The following PKD1 variants were observed in gnomAD, a reference collection of about 807,000 sequenced individuals.
PKD1 encodes the protein polycystin 1, transient receptor potential channel interacting, also known as polycystin-1.
A neutral mutation model predicts 361.7 loss-of-function variants in PKD1; 81 were observed. The ratio of observed to expected loss-of-function variants is 0.22; its 90% CI spans 0.19 to 0.27. The LOEUF (loss-of-function observed/expected upper bound fraction) is 0.27, where lower values mean the gene tolerates loss of function less well. Among genes scored for constraint, PKD1 ranks in the 10% least tolerant of loss-of-function variants. PKD1 has a pLI of 1.00. For synonymous variants in PKD1, 3,615 were observed against 2,818.3 expected, an observed-to-expected ratio of 1.28 and a Z score of -8.95; for missense variants, 6,399 against 6,118.3, an observed-to-expected ratio of 1.05 and a Z score of -1.53.
At chr16:2,127,533 C>T (rs963050728) in intron 1 of PKD1, among the ~76,000 whole-genome samples, 2 of 152,194 alleles carry the variant, frequency 1.3e-5, no homozygotes, top group African/African-American at 4.8e-5. Flanking sequence ...CTGGCTCTCA[C>T]CCTCAGGCTG....
intron 21 of PKD1, 48 bp downstream of exon 21, chr16:2,105,274 T>TGC: frequency 1.3e-6 from 2 of 1,585,558 alleles, no homozygotes; most frequent in East Asian, 4.5e-5. Flanking sequence ...CTGAACCCAG[T>TGC]GCCCTGGCAG....
At position 2,110,257 on chromosome 16, in the gene PKD1, A is replaced by G. The variant is rs1200234003; in HGVS notation, c.4910T>C (p.Val1637Ala). ...YVLQLIEGLQ[V>A]VGGGRYFPTN... ...GGGGAAGTAGCGGCCACCGCCCACC[A>G]CCTGCAGCCCCTCTATGAGCTGCAG... Residue 1637 changes from valine to alanine, a missense_variant, in exon 15 of 46, where the codon GTG becomes GCG. By Grantham distance (64) the Val-to-Ala change is moderately conservative. Transcript: ENST00000262304. The G allele has an allele frequency of 1.2e-6, 2 of 1,612,276 alleles. No individual in the cohort carries two copies. Among genetic ancestry groups the G allele is most frequent in the East Asian group, 4.5e-5 (2 of 44,868 alleles).
rs144614222 is a variant in PKD1 at position 2,093,940 on chromosome 16, G to C, written c.10692C>G (p.Leu3564=). Residue 3564 remains leucine (L), a synonymous_variant, in exon 36 of 46, where the codon CTC becomes CTG. Coordinates refer to ENST00000262304, the MANE Select transcript of PKD1 (RefSeq NM_001009944.3). ...CASLAHGLSL[L]LVAVAVAVSG... ...AGACAGCCACAGCCACAGCCACCAG[G>C]AGCAGGCTGAGCCCGTGGGCCAGGG... The C allele has an allele frequency of 1.9e-6, 3 of 1,585,622 alleles. No individual in the cohort carries two copies. The highest frequency in any genetic ancestry group is 2.7e-5 in the African/African-American group (2 of 74,510).
At chr16:2,113,783 T>C (rs1012139357) in intron 11 of PKD1, 2 of 392,356 alleles carry the variant, frequency 5.1e-6, no homozygotes, top group Non-Finnish European at 9.6e-6. Context: ...GTACCCAGCA[T>C]GGTGGCACCG....
intron 34 of PKD1, 84 bp downstream of exon 34, chr16:2,097,064 C>T (rs535773604): frequency 6.3e-6 from 3 of 478,494 alleles, no homozygotes; most frequent in African/African-American, 2.0e-5. Context: ...CCCCACCCTA[C>T]CCCAGGCGGG....
At position 2,108,461 on chromosome 16, in the gene PKD1, A is replaced by G. The variant is rs764698239; in HGVS notation, c.6706T>C (p.Phe2236Leu). ...CTCTGTGTCAGTGGCGTGTCCCCAA[A>G]TGACACGACAAACACAAAGCAGTAG... ...GHYCFVFVVSFGDTPLTQSIQ... is the reference protein window; with the variant it reads ...GHYCFVFVVSLGDTPLTQSIQ... Residue 2236 changes from phenylalanine to leucine, a missense_variant, in exon 15 of 46, where the codon TTT (phenylalanine) becomes CTT (leucine). Coordinates refer to ENST00000262304, the MANE Select transcript of PKD1 (RefSeq NM_001009944.3). 6.8e-6 allele frequency: 11 copies of G among 1,610,196 alleles called. No homozygotes were observed. In the East Asian group the frequency reaches 8.9e-5, roughly 13 times the overall value.
In PKD1 at chr16:2,090,604, G is replaced by A. The variant is rs200698404; in HGVS notation, c.12139-14C>T. ...GGAAGACACGAGCTGCGGGGAAGGC[G>A]ACACCAGTGAGGGCGTACAGCTGAG... is the stretch of plus-strand genomic sequence containing the variant. On this transcript the variant is annotated splice_polypyrimidine_tract_variant and intron_variant, in intron 44 of 45. Coordinates refer to ENST00000262304, the MANE Select transcript of PKD1 (RefSeq NM_001009944.3). The A allele has an allele frequency of 4.7e-5, 75 of 1,608,316 alleles. 1 individual carries two copies. The Middle Eastern group carries it at 8.3e-4, about 18-fold the overall frequency.
chr16:2,112,119 C>G (rs2092527467), intron 14 of PKD1, among the ~76,000 whole-genome samples: 1 of 152,222 alleles, frequency 6.6e-6, no homozygotes, highest in Non-Finnish European at 1.5e-5. Context: ...AAGAGCCAGG[C>G]CCGGGGAGGG....
rs369627816 is a variant in PKD1, at chr16:2,108,986, C to T, written c.6181G>A (p.Val2061Ile). ...CCGCTCTGCAGGGCCACATACTGGA[C>T]GGCGTCCTGAACCTCCAGCACCAGC... ...RTLVLEVQDA[V>I]QYVALQSGPC... The change falls in exon 15 of 46, where the codon GTC becomes ATC. Residue 2061 changes from valine to isoleucine, a missense_variant. Transcript: ENST00000262304. 9.9e-6 allele frequency: 16 copies of T among 1,610,196 alleles called. No homozygotes were observed. The highest frequency in any genetic ancestry group is 5.5e-5 in the South Asian group (5 of 90,952).
chr16:2,109,739 T>C lies in PKD1; in HGVS notation c.5428A>G (p.Ser1810Gly). 1.2e-6 allele frequency: 2 copies of C among 1,608,894 alleles called. No homozygotes were observed. Residue 1810 changes from serine (S) to glycine (G), a missense_variant, in exon 15 of 46, where the codon AGC (serine) becomes GGC (glycine). Physicochemically the swap from Ser to Gly is moderately conservative, Grantham distance 56. Transcript: ENST00000262304. ...GCCACGAAGCTGCCTCCGGGCTCGC[T>C]GGCCCTGATGCTGAGGCCACTCACA... ...VPVSGLSIRA[S>G]EPGGSFVAAG...
At position 2,109,508 on chromosome 16, in the gene PKD1, T is replaced by C. The variant is rs751317060; in HGVS notation, c.5659A>G (p.Ile1887Val). ...ATYNLTAEEP[I>V]VGLVLWASSK... is the part of the protein sequence containing the mutation. ...CTGGCCCACAGCACCAGGCCCACGATGGGCTCCTCCGCCGTGAGGTTGTAC... is the reference window on the plus strand; with the variant it reads ...CTGGCCCACAGCACCAGGCCCACGACGGGCTCCTCCGCCGTGAGGTTGTAC... Residue 1887 changes from isoleucine to valine, a missense_variant, in exon 15 of 46, where the codon ATC becomes GTC. By Grantham distance (29) the Ile-to-Val change is conservative. Transcript: ENST00000262304. 1 of 1,610,224 alleles carries C rather than the reference T, an allele frequency of 6.2e-7. No individual in the cohort carries two copies. Among genetic ancestry groups the C allele is most frequent in the South Asian group, 1.1e-5 (1 of 90,824 alleles).
In PKD1 at chr16:2,118,151, G is replaced by A; in HGVS notation, c.841C>T (p.His281Tyr). The change falls in exon 5 of 46, where the codon CAC becomes TAC. Residue 281 changes from histidine to tyrosine, a missense_variant. Transcript: ENST00000262304. This position sits in a 1 kb window ranked among gnomAD's most constrained non-coding sequence, Gnocchi z 6.0. ...AGCTGGCCAGAGGCCAGAGGTCCGT[G>A]GGGCCCCACCAGGGTGGCCCCTGGG... ...ASPGATLVGP[H>Y]GPLASGQLAA... 6.3e-7 allele frequency: 1 copy of A among 1,585,790 alleles called. No homozygotes were observed.
rs142692220 is a variant in PKD1, at chr16:2,111,204, C to T, written c.3963G>A (p.Pro1321=). ...ARLTAYVTGN[P]AHYLFDWTFG... is the part of the protein sequence containing the mutation. Reference sequence around the variant, plus strand: ...AGGTCCAGTCGAAGAGGTAGTGGGCCGGGTTCCCGGTGACGTAGGCCGTGA... The same window carrying T: ...AGGTCCAGTCGAAGAGGTAGTGGGCTGGGTTCCCGGTGACGTAGGCCGTGA... The change falls in exon 15 of 46, where the codon CCG becomes CCA. Residue 1321 remains proline (P), a synonymous_variant. Transcript: ENST00000262304. 25 of 1,611,266 alleles carry T rather than the reference C, an allele frequency of 1.6e-5. No homozygotes were observed. Among genetic ancestry groups the T allele is most frequent in the Middle Eastern group, 1.9e-4 (1 of 5,304 alleles).
intron 1 of PKD1, among the ~76,000 whole-genome samples, chr16:2,129,119 C>G (rs1260127691): frequency 6.6e-6 from 1 of 151,452 alleles, no homozygotes; most frequent in Admixed American, 6.6e-5. Flanking sequence ...CCTTGGCCTC[C>G]CAAAGTGCTG....
rs1397829455 is a variant in PKD1 at position 2,092,091 on chromosome 16, G to T, written c.11367C>A (p.His3789Gln). 8.1e-6 allele frequency: 13 copies of T among 1,612,876 alleles called. No individual in the cohort carries two copies. The highest frequency in any genetic ancestry group is 1.1e-5 in the South Asian group (1 of 91,090). The change falls in exon 40 of 46, where the codon CAC (histidine) becomes CAA (glutamine). Residue 3789 changes from histidine to glutamine, a missense_variant. His to Gln is a conservative substitution (Grantham distance 24). Coordinates refer to ENST00000262304, the MANE Select transcript of PKD1 (RefSeq NM_001009944.3). ...SDYDVGWESP[H>Q]NGSGTWAYSA... ...AATAGGCCCACGTCCCCGAGCCATT[G>T]TGAGGACTCTCCCAGCCAACGTCGT...
Position 2,090,960 on chromosome 16 carries a change from C to A in PKD1, c.11927G>T (p.Ser3976Ile). ...FVRGRPRRFT[S>I]FDQVAQLSSA... ...GCTCAGCTGCGCCACCTGGTCGAAG[C>A]TAGTGAAGCGGCGCGGGCGGCCGCG... The change falls in exon 43 of 46, where the codon AGC (serine) becomes ATC (isoleucine). Residue 3976 changes from serine (S) to isoleucine (I), a missense_variant. Physicochemically the swap from Ser to Ile is moderately radical, Grantham distance 142. Coordinates refer to ENST00000262304, the MANE Select transcript of PKD1 (RefSeq NM_001009944.3). The A allele has an allele frequency of 6.4e-7, 1 of 1,555,098 alleles. No homozygotes were observed. The highest frequency in any genetic ancestry group is 1.2e-5 in the South Asian group (1 of 86,704).
At position 2,133,002 on chromosome 16, in the gene PKD1, A is replaced by C. The variant is rs1462138352; in HGVS notation, c.215+2473T>G. 4.6e-5 allele frequency: 7 copies of C among 151,004 alleles called. 1 individual carries two copies. The highest frequency in any genetic ancestry group is 1.7e-4 in the African/African-American group (7 of 40,764). The allele number at this position is 151,004 out of a possible 1,614,324, so 9.4% of individuals were successfully genotyped here. A position where few individuals can be genotyped will look rare whatever the true frequency, so the allele number is the denominator to read the frequency against. Reference sequence around the variant, plus strand: ...AGGCTGAGGCAGGAAAAAGCGCTTGAACCCAGGAGGCGGAGGTTGCCATGA... The same window carrying C: ...AGGCTGAGGCAGGAAAAAGCGCTTGCACCCAGGAGGCGGAGGTTGCCATGA... On this transcript the variant is annotated intron_variant, in intron 1 of 45. Transcript: ENST00000262304.
rs2092518680 is a variant in PKD1, at chr16:2,111,937, A to G, written c.3296-66T>C. ...ACCTGCTCCCCACCCGCTCGGCAGAAGCCCCCCGCCTGAGGAGCCCGGGGT... is the reference window on the plus strand; with the variant it reads ...ACCTGCTCCCCACCCGCTCGGCAGAGGCCCCCCGCCTGAGGAGCCCGGGGT... On this transcript the variant is annotated intron_variant, in intron 14 of 45. Coordinates refer to ENST00000262304, the MANE Select transcript of PKD1 (RefSeq NM_001009944.3). The G allele has an allele frequency of 4.2e-5, 66 of 1,567,458 alleles. 1 individual carries two copies. The South Asian group carries it at 7.5e-4, about 18-fold the overall frequency.
chr16:2,100,089 C>A lies in PKD1; in HGVS notation c.9713-18G>T. 6.2e-7 allele frequency: 1 copy of A among 1,603,490 alleles called. No individual in the cohort carries two copies. Among genetic ancestry groups the A allele is most frequent in the African/African-American group, 1.3e-5 (1 of 74,786 alleles). On this transcript the variant is annotated intron_variant, in intron 28 of 45. Transcript: ENST00000262304. The surrounding 1 kb of genome is among the most constrained non-coding windows in gnomAD (Gnocchi z 4.4). ...TGCGTCGCCTAGAAGGCAGGGAGGGCCGCACTGCAGGAGGCCACGGGGCAG... is the reference window on the plus strand; with the variant it reads ...TGCGTCGCCTAGAAGGCAGGGAGGGACGCACTGCAGGAGGCCACGGGGCAG...
Sources: allele counts gnomAD v4.1 joint callset (sites outside exome capture counted in the v4.1 genomes callset), GRCh38; gene constraint gnomAD v4.1.1; non-coding constraint Gnocchi (gnomAD v3.1); transcripts MANE v1.5; gene names NCBI Gene and HGNC (gene_info 2026-07-23, HGNC 2026-07-21).